ANAPC10: variants seen among roughly 807,000 people sequenced by gnomAD.
ANAPC10 encodes the protein anaphase promoting complex subunit 10, also known as anaphase-promoting complex subunit 10.
In ANAPC10, 12 loss-of-function variants were observed where a neutral mutation model predicts 22.0. That is an observed-to-expected ratio of 0.55 (90% CI 0.35 to 0.88). ANAPC10 has a LOEUF of 0.88. Ranked by LOEUF, ANAPC10 falls within the 40% of genes least tolerant of loss-of-function variation. ANAPC10 has a pLI of 0.01. For synonymous variants in ANAPC10, 65 were observed against 69.5 expected, an observed-to-expected ratio of 0.94 and a Z score of 0.32; for missense variants, 188 against 220.9, an observed-to-expected ratio of 0.85 and a Z score of 0.94.
At chr4:144,996,192 C>T (rs1156484789) in intron 4 of ANAPC10, among the ~76,000 whole-genome samples, 1 of 150,172 alleles carries the variant, frequency 6.7e-6, no homozygotes, top group East Asian at 2.0e-4. Context: ...ATCCCCACGG[C>T]TCTACACTCC....
At chr4:145,030,998 T>C (rs1212270023) in intron 4 of ANAPC10, among the ~76,000 whole-genome samples, 1 of 152,192 alleles carries the variant, frequency 6.6e-6, no homozygotes, top group East Asian at 1.9e-4. Flanking sequence ...TGTGGTTTCA[T>C]TGCTTGAGCA....
At chr4:145,048,140 A>G (rs1740601310) in intron 4 of ANAPC10, among the ~76,000 whole-genome samples, 1 of 152,152 alleles carries the variant, frequency 6.6e-6, no homozygotes. Context: ...TAAAGCTAAA[A>G]CGGACGCCCC....
intron 4 of ANAPC10, among the ~76,000 whole-genome samples, chr4:145,055,580 T>TA (rs879260013): frequency 1.3e-4 from 19 of 143,600 alleles, no homozygotes; most frequent in South Asian, 2.2e-4. Context: ...AAAAATTAAA[T>TA]AAAAAAAAAA....
chr4:145,096,161 T>C, intron 1 of ANAPC10, 50 bp from the exon 2 acceptor site: 2 of 1,573,754 alleles, frequency 1.3e-6, no homozygotes, highest in Non-Finnish European at 1.7e-6. Context: ...TGGGCATCTT[T>C]CTACAAAAGT....
intron 3 of ANAPC10, among the ~76,000 whole-genome samples, chr4:145,081,058 G>C (rs1559699): frequency 0.43 from 65,208 of 151,676 alleles, 14,402 homozygotes; most frequent in Middle Eastern, 0.5. Context: ...AATGCTTGAG[G>C]CCAGGAGTTC....
intron 4 of ANAPC10, among the ~76,000 whole-genome samples, chr4:145,029,070 G>A (rs1737157518): frequency 6.6e-6 from 1 of 152,144 alleles, no homozygotes; most frequent in African/African-American, 2.4e-5. Context: ...CTGTTAAAGT[G>A]AGGGCATTGA....
intron 4 of ANAPC10, among the ~76,000 whole-genome samples, chr4:145,007,698 A>G (rs1029334167): frequency 2.0e-5 from 3 of 152,208 alleles, no homozygotes; most frequent in Non-Finnish European, 4.4e-5. Flanking sequence ...GGAAATTTAT[A>G]GCACTAAATG....
At chr4:145,059,709 A>T (rs1579069221) in intron 4 of ANAPC10, among the ~76,000 whole-genome samples, 1 of 152,134 alleles carries the variant, frequency 6.6e-6, no homozygotes. Flanking sequence ...ATATTCTACA[A>T]TAATTTTTAA....
chr4:145,096,365 C>T (rs900740404), intron 1 of ANAPC10, among the ~76,000 whole-genome samples: 1 of 152,036 alleles, frequency 6.6e-6, no homozygotes, highest in Non-Finnish European at 1.5e-5. Flanking sequence ...CAAGACCAGC[C>T]TGGACAACAT....
chr4:145,003,062 G>A lies in ANAPC10; in HGVS notation c.328-7459C>T, dbSNP rs1265608535. ...CCCAGCCACTATTGTTCCCTTCTTT[G>A]TGTCCATGTGTATTCAATGTTTAGC... On this transcript the variant is annotated intron_variant, in intron 4 of 4. Coordinates refer to ENST00000507656, the MANE Select transcript of ANAPC10 (RefSeq NM_001256706.2). 2.0e-5 allele frequency among the ~76,000 whole-genome samples: 3 copies of A among 152,086 alleles called. No homozygotes were observed. The East Asian group carries it at 5.8e-4, about 29-fold the overall frequency.
At chr4:145,017,592 C>T (rs1283431635) in intron 4 of ANAPC10, among the ~76,000 whole-genome samples, 2 of 152,134 alleles carry the variant, frequency 1.3e-5, no homozygotes, top group Admixed American at 6.6e-5. Flanking sequence ...ACTAGAAATA[C>T]CATTTGACCC....
intron 4 of ANAPC10, among the ~76,000 whole-genome samples, chr4:145,010,729 C>T (rs868860668): frequency 1.3e-5 from 2 of 151,794 alleles, no homozygotes; most frequent in South Asian, 2.1e-4. Context: ...ATGTAAATGA[C>T]GAGTTAATGG....
At chr4:145,063,246 C>T (rs1166689105) in intron 4 of ANAPC10, among the ~76,000 whole-genome samples, 2 of 152,050 alleles carry the variant, frequency 1.3e-5, no homozygotes, top group Admixed American at 1.3e-4. Flanking sequence ...ATATATATTT[C>T]AAAACATCAT....
chr4:145,095,876 G>A, intron 2 of ANAPC10, 109 bp downstream of exon 2: 5 of 1,427,374 alleles, frequency 3.5e-6, no homozygotes, highest in Non-Finnish European at 4.9e-6. Flanking sequence ...CATGGTTTTA[G>A]GCATCCACTG....
intron 3 of ANAPC10, among the ~76,000 whole-genome samples, chr4:145,067,773 A>G (rs900778623): frequency 8.5e-5 from 13 of 152,216 alleles, no homozygotes; most frequent in African/African-American, 3.1e-4. Context: ...ACATATTCCT[A>G]GTTGCCTAAC....
At chr4:145,012,581 T>C (rs1734512603) in intron 4 of ANAPC10, among the ~76,000 whole-genome samples, 1 of 152,106 alleles carries the variant, frequency 6.6e-6, no homozygotes, top group South Asian at 2.1e-4. Flanking sequence ...ATAAATTCCT[T>C]GAAAAATACA....
At chr4:145,037,417 TCAC>T (rs991552164) in intron 4 of ANAPC10, among the ~76,000 whole-genome samples, 3 of 152,074 alleles carry the variant, frequency 2.0e-5, no homozygotes, top group African/African-American at 7.2e-5. Context: ...CCCAGCCCTA[TCAC>T]CATAAATTTT....
chr4:145,095,886 G>T (rs1033386470), intron 2 of ANAPC10, 99 bp downstream of exon 2: 1 of 1,516,342 alleles, frequency 6.6e-7, no homozygotes, highest in Non-Finnish European at 9.1e-7. Context: ...GGCATCCACT[G>T]GGAGTCCTGG....
At chr4:145,086,391 G>C (rs1212413358) in intron 2 of ANAPC10, among the ~76,000 whole-genome samples, 2 of 152,160 alleles carry the variant, frequency 1.3e-5, no homozygotes, top group Non-Finnish European at 2.9e-5. Context: ...AAGAGGTACT[G>C]GTTCTCCAAT....
Sources: gnomAD v4.1 joint callset for allele counts (sites outside exome capture counted in the v4.1 genomes callset) on GRCh38, gnomAD v4.1.1 for gene constraint, MANE v1.5 for transcripts, NCBI Gene and HGNC (gene_info 2026-07-23, HGNC 2026-07-21) for gene names.